The following ACOT12 variants were observed in gnomAD, a reference collection of about 807,000 sequenced individuals.
The protein encoded by ACOT12 is acyl-CoA thioesterase 12.
ACOT12 carries 51 observed loss-of-function variants against 67.7 expected under a neutral mutation model. The ratio of observed to expected loss-of-function variants is 0.75; its 90% confidence interval spans 0.60 to 0.95. The LOEUF (loss-of-function observed/expected upper bound fraction) is 0.95, where lower values mean the gene tolerates loss of function less well. Ranked by LOEUF, ACOT12 falls within the 40% of genes least tolerant of loss-of-function variation. ACOT12 has a pLI of 0.00. For synonymous variants in ACOT12, 251 were observed against 244.6 expected (o/e 1.03, Z -0.24); for missense variants, 734 against 708.1 (o/e 1.04, Z -0.41).
chr5:81,373,741 C>A (rs117922797), intron 2 of ACOT12, among the ~76,000 whole-genome samples: 2,706 of 152,238 alleles, frequency 0.018, 44 homozygotes, highest in Admixed American at 0.046. Flanking sequence ...ACAGTGTAAA[C>A]AAAGCCACCA....
rs1224216648 is a variant in ACOT12, at chr5:81,344,944, C to T, written c.871G>A (p.Ala291Thr). 2 of 1,614,138 alleles carry T rather than the reference C, an allele frequency of 1.2e-6. No individual in the cohort carries two copies. Among genetic ancestry groups the T allele is most frequent in the East Asian group, 4.5e-5 (2 of 44,884 alleles). ...INSAFLIYNAADDKENLITFP... is the reference protein window; with the variant it reads ...INSAFLIYNATDDKENLITFP... Reference sequence around the variant, plus strand: ...GTGATGAGATTTTCCTTATCATCAGCAGCATTGTAAATGAGAAAAGCACTG... The same window carrying T: ...GTGATGAGATTTTCCTTATCATCAGTAGCATTGTAAATGAGAAAAGCACTG... The change falls in exon 8 of 15, where the codon GCT becomes ACT. Residue 291 changes from alanine (A) to threonine (T), a missense_variant. Physicochemically the swap from Ala to Thr is moderately conservative, Grantham distance 58. Coordinates refer to ENST00000307624, the MANE Select transcript of ACOT12 (RefSeq NM_130767.3).
At chr5:81,377,144 A>T (rs1760443451) in intron 2 of ACOT12, among the ~76,000 whole-genome samples, 1 of 152,188 alleles carries the variant, frequency 6.6e-6, no homozygotes, top group South Asian at 2.1e-4. Context: ...ATCCACCACA[A>T]TCAAGTCAGC....
chr5:81,311,206 A>G, the ACOT12 span: 2 of 1,614,054 alleles, frequency 1.2e-6, no homozygotes, highest in Admixed American at 3.3e-5. Flanking sequence ...TTGCTCTTTC[A>G]ATAGGTGGCG....
intron 3 of ACOT12, among the ~76,000 whole-genome samples, chr5:81,369,499 A>T (rs1760181560): frequency 6.6e-6 from 1 of 152,214 alleles, no homozygotes; most frequent in South Asian, 2.1e-4. Flanking sequence ...TAAGGAAAAA[A>T]ATCCAAGAAA....
chr5:81,317,375 A>C, the ACOT12 span, among the ~76,000 whole-genome samples: 24 of 152,000 alleles, frequency 1.6e-4, no homozygotes, highest in African/African-American at 5.3e-4. Flanking sequence ...AGTGGTGGGC[A>C]CATGTAATCC....
At chr5:81,344,035 C>A (rs1448138850) in intron 9 of ACOT12, 125 bp downstream of exon 9, 1 of 1,258,722 alleles carries the variant, frequency 7.9e-7, no homozygotes, top group Non-Finnish European at 1.1e-6. Flanking sequence ...TCAGCCTTTG[C>A]GGCCAGGAAA....
At chr5:81,310,809 CTGTT>C in the ACOT12 span, among the ~76,000 whole-genome samples, 2 of 152,186 alleles carry the variant, frequency 1.3e-5, no homozygotes, top group Admixed American at 6.5e-5. Context: ...GGGCCATTGA[CTGTT>C]TGAGAATCTG....
At chr5:81,317,502 A>C in the ACOT12 span, among the ~76,000 whole-genome samples, 20 of 65,806 alleles carry the variant, frequency 3.0e-4, no homozygotes, top group East Asian at 1.6e-3. Flanking sequence ...ACTCCATCCC[A>C]AAAAAAAAAA....
chr5:81,335,979 G>C, intron 11 of ACOT12, 78 bp from the exon 12 acceptor site: 1 of 1,417,542 alleles, frequency 7.1e-7, no homozygotes, highest in South Asian at 1.4e-5. Flanking sequence ...TATATATGTA[G>C]TCATAGACCA....
intron 1 of ACOT12, 130 bp from the exon 2 acceptor site, chr5:81,385,956 C>T (rs982273191): frequency 1.3e-6 from 1 of 759,878 alleles, no homozygotes; most frequent in Non-Finnish European, 2.2e-6. Context: ...CACCACTGTG[C>T]CTACACTTTC....
At chr5:81,314,826 T>A in the ACOT12 span, among the ~76,000 whole-genome samples, 1 of 152,110 alleles carries the variant, frequency 6.6e-6, no homozygotes, top group African/African-American at 2.4e-5. Context: ...TTTAAAAAAT[T>A]TTTAAGATGG....
chr5:81,393,919 C>CA, intron 1 of ACOT12, 69 bp downstream of exon 1: 2 of 1,264,148 alleles, frequency 1.6e-6, no homozygotes, highest in Non-Finnish European at 2.0e-6. Flanking sequence ...CTACCCCCCC[C>CA]AGCCCCCAGC....
chr5:81,344,374 C>A (rs1338530565), intron 8 of ACOT12, among the ~76,000 whole-genome samples, 159 bp from the exon 9 acceptor site: 1 of 152,224 alleles, frequency 6.6e-6, no homozygotes, highest in African/African-American at 2.4e-5. Flanking sequence ...AGTCTCTGTG[C>A]TGAATCCACA....
chr5:81,357,008 C>T (rs1759737766), intron 5 of ACOT12, among the ~76,000 whole-genome samples: 1 of 151,972 alleles, frequency 6.6e-6, no homozygotes. Flanking sequence ...ACAATCCTAC[C>T]TTCTTCCTCT....
intron 5 of ACOT12, among the ~76,000 whole-genome samples, chr5:81,355,353 TA>T (rs1448151567): frequency 6.6e-6 from 1 of 152,218 alleles, no homozygotes; most frequent in African/African-American, 2.4e-5. Flanking sequence ...AGGTTTTGGT[TA>T]TAGACCTGTT....
Position 81,345,652 on chromosome 5 carries a change from A to G in ACOT12, c.773+233T>C, listed in dbSNP as rs77087949. 5.3e-4 allele frequency among the ~76,000 whole-genome samples: 80 copies of G among 152,180 alleles called. 2 individuals are homozygous for G. The East Asian group carries it at 0.015, about 29-fold the overall frequency. On this transcript the variant is annotated intron_variant, in intron 7 of 14. Transcript: ENST00000307624. ...TACAAACCAGGTCCTACTTGGGCCA[A>G]TTGGGACATACGGCTACCCTTATAA...
intron 3 of ACOT12, among the ~76,000 whole-genome samples, chr5:81,371,293 C>G (rs1359015029): frequency 6.6e-6 from 1 of 152,082 alleles, no homozygotes; most frequent in Non-Finnish European, 1.5e-5. Context: ...TGCTATGTCA[C>G]CCAGGCTGGA....
At chr5:81,391,083 T>C (rs562342867) in intron 1 of ACOT12, among the ~76,000 whole-genome samples, 5 of 152,246 alleles carry the variant, frequency 3.3e-5, no homozygotes, top group Non-Finnish European at 5.9e-5. Context: ...TCTGTCTACC[T>C]AGAGATGGGC....
chr5:81,360,158 T>A, intron 4 of ACOT12, 120 bp from the exon 5 acceptor site: 1 of 1,021,600 alleles, frequency 9.8e-7, no homozygotes, highest in Non-Finnish European at 1.4e-6. Flanking sequence ...AGAGCTTTTA[T>A]GAGTGTTTTC....
Sources: gnomAD v4.1 joint callset for allele counts (sites outside exome capture counted in the v4.1 genomes callset) on GRCh38, gnomAD v4.1.1 for gene constraint, MANE v1.5 for transcripts, NCBI Gene and HGNC (gene_info 2026-07-23, HGNC 2026-07-21) for gene names.